PAK5: variants seen among roughly 807,000 people sequenced by gnomAD.
PAK5 encodes the protein p21 (RAC1) activated kinase 5.
Under a neutral mutation model 65.9 loss-of-function variants are expected in PAK5, and 16 were observed. The observed-to-expected ratio is 0.24, with a 90% CI of 0.16 to 0.37. PAK5 has a LOEUF of 0.37. Among genes scored for constraint, PAK5 ranks in the 10% least tolerant of loss-of-function variants. The probability of loss-of-function intolerance (pLI) is 1.00; values close to 1 mark genes in which losing one functional copy is unlikely to be tolerated. For missense variants in PAK5, 785 were observed against 903.9 expected (o/e 0.87, Z 1.69); for synonymous variants, 371 against 354.9 (o/e 1.05, Z -0.51).
intron 2 of PAK5, among the ~76,000 whole-genome samples, chr20:9,652,478 G>A (rs1009571281): frequency 1.3e-5 from 2 of 152,172 alleles, no homozygotes; most frequent in Admixed American, 1.3e-4. Context: ...AAATGACATA[G>A]TTTCCTTTCC....
intron 2 of PAK5, among the ~76,000 whole-genome samples, chr20:9,690,757 T>C (rs1012020196): frequency 3.5e-5 from 5 of 144,298 alleles, no homozygotes; most frequent in African/African-American, 7.7e-5. Context: ...TTTCTTTTTT[T>C]TTTTTTTTTT....
intron 1 of PAK5, among the ~76,000 whole-genome samples, chr20:9,785,994 C>T (rs574876809): frequency 2.0e-5 from 3 of 152,244 alleles, no homozygotes; most frequent in East Asian, 1.9e-4. Context: ...GGGGGCTTCA[C>T]GCTTCCCATC....
Position 9,733,507 on chromosome 20 carries a change from C to A in PAK5, c.-161-22072G>T, listed in dbSNP as rs573405575. Among the ~76,000 whole-genome samples, 16 of 151,930 alleles carry A rather than the reference C, an allele frequency of 1.1e-4. No homozygotes were observed. The East Asian group carries it at 3.1e-3, about 29-fold the overall frequency. The stretch of plus-strand genomic sequence containing the variant: ...TCACCTAGCCTGGAGTGCAGTGGCA[C>A]AATCTTGGTTCACTGCAACCTCTGC... On this transcript the variant is annotated intron_variant, in intron 1 of 9. Coordinates refer to ENST00000353224, the MANE Select transcript of PAK5 (RefSeq NM_177990.4).
chr20:9,552,556 G>T (rs1236098775), intron 7 of PAK5, among the ~76,000 whole-genome samples: 1 of 152,042 alleles, frequency 6.6e-6, no homozygotes, highest in African/African-American at 2.4e-5. Context: ...ACAAATTAGT[G>T]ACTCGTTAGA....
chr20:9,786,340 CAACA>C (rs1244209901), intron 1 of PAK5, among the ~76,000 whole-genome samples: 1 of 152,140 alleles, frequency 6.6e-6, no homozygotes, highest in Admixed American at 6.6e-5. Flanking sequence ...AGGAAGTGCT[CAACA>C]AACATTTACA....
At chr20:9,617,495 CTG>C (rs1333426024) in intron 3 of PAK5, among the ~76,000 whole-genome samples, 1 of 150,116 alleles carries the variant, frequency 6.7e-6, no homozygotes, top group African/African-American at 2.4e-5. Flanking sequence ...TATGATAAAA[CTG>C]AGGCTGAGAG....
At chr20:9,612,759 C>T (rs1164644361) in intron 3 of PAK5, among the ~76,000 whole-genome samples, 1 of 152,118 alleles carries the variant, frequency 6.6e-6, no homozygotes, top group Admixed American at 6.5e-5. Context: ...GAGGCGCTCC[C>T]TCAACCCATT....
intron 1 of PAK5, among the ~76,000 whole-genome samples, chr20:9,720,738 T>C (rs2048204036): frequency 1.3e-5 from 2 of 152,056 alleles, no homozygotes. Context: ...ATAAATAACA[T>C]GCAGTATATC....
intron 1 of PAK5, among the ~76,000 whole-genome samples, chr20:9,761,325 TC>T (rs1339344946): frequency 6.6e-6 from 1 of 152,090 alleles, no homozygotes; most frequent in African/African-American, 2.4e-5. Context: ...TTATTAAGAA[TC>T]CCTGCCCTTG....
intron 1 of PAK5, among the ~76,000 whole-genome samples, chr20:9,825,851 TAAG>T (rs1320882615): frequency 3.3e-5 from 5 of 152,170 alleles, no homozygotes; most frequent in African/African-American, 7.2e-5. Flanking sequence ...GAAGCAAAAT[TAAG>T]AAGACACAAT....
intron 2 of PAK5, among the ~76,000 whole-genome samples, chr20:9,678,278 A>T (rs957781273): frequency 1.3e-5 from 2 of 152,202 alleles, no homozygotes; most frequent in Admixed American, 6.5e-5. Context: ...TAATAAAGAC[A>T]TACCCGAGGC....
intron 2 of PAK5, among the ~76,000 whole-genome samples, chr20:9,707,454 T>G (rs1036740755): frequency 6.6e-6 from 1 of 152,250 alleles, no homozygotes; most frequent in African/African-American, 2.4e-5. Context: ...GAATACCTAC[T>G]TACTCTGTAA....
intron 2 of PAK5, among the ~76,000 whole-genome samples, chr20:9,663,577 C>A (rs2047374794): frequency 6.6e-6 from 1 of 152,182 alleles, no homozygotes; most frequent in Admixed American, 6.5e-5. Flanking sequence ...TGGAAAGGGG[C>A]TTATTGATCC....
chr20:9,541,490 C>G (rs1410789036), intron 9 of PAK5, among the ~76,000 whole-genome samples: 2 of 152,232 alleles, frequency 1.3e-5, no homozygotes, highest in African/African-American at 4.8e-5. Context: ...GCCCATCTCT[C>G]TGACAAGACC....
chr20:9,731,889 G>A (rs745456247), intron 1 of PAK5, among the ~76,000 whole-genome samples: 18 of 152,152 alleles, frequency 1.2e-4, no homozygotes, highest in Admixed American at 1.3e-4. Context: ...ATTCTGCAGC[G>A]TGGGTAATAA....
intron 3 of PAK5, among the ~76,000 whole-genome samples, chr20:9,587,928 T>G (rs1007060078): frequency 6.6e-6 from 1 of 152,204 alleles, no homozygotes; most frequent in Admixed American, 6.6e-5. Flanking sequence ...AATATAGTGT[T>G]AAATGTACTA....
intron 3 of PAK5, among the ~76,000 whole-genome samples, chr20:9,585,973 G>C (rs899123082): frequency 2.0e-5 from 3 of 152,112 alleles, no homozygotes; most frequent in Non-Finnish European, 2.9e-5. Flanking sequence ...GATGTAACTA[G>C]AGAGAGAGAA....
intron 2 of PAK5, among the ~76,000 whole-genome samples, chr20:9,651,440 T>C (rs2047202140): frequency 6.6e-6 from 1 of 152,134 alleles, no homozygotes; most frequent in South Asian, 2.1e-4. Context: ...TTGACCCCTA[T>C]TACAAATTGA....
intron 3 of PAK5, among the ~76,000 whole-genome samples, chr20:9,610,090 G>A (rs2046530538): frequency 6.6e-6 from 1 of 152,016 alleles, no homozygotes; most frequent in Non-Finnish European, 1.5e-5. Context: ...TGTGAAGATA[G>A]ATAAAAGCAA....
Sources: allele counts gnomAD v4.1 joint callset (sites outside exome capture counted in the v4.1 genomes callset), GRCh38; gene constraint gnomAD v4.1.1; transcripts MANE v1.5; gene names NCBI Gene and HGNC (gene_info 2026-07-23, HGNC 2026-07-21).